Variants in PALS2 observed in about 807,000 individuals in gnomAD.
PALS2 encodes the protein protein associated with LIN7 2, MAGUK p55 family member.
Under a neutral mutation model 61.6 loss-of-function variants are expected in PALS2, and 27 were observed. The observed-to-expected ratio is 0.44, with a 90% CI of 0.32 to 0.60. The LOEUF is 0.60. PALS2 is among the 20% of genes least tolerant of loss of function. The pLI is 0.05. For missense variants in PALS2, 554 were observed against 639.4 expected (o/e 0.87, Z 1.44); for synonymous variants, 236 against 218.6 (o/e 1.08, Z -0.70).
intron 2 of PALS2, among the ~76,000 whole-genome samples, chr7:24,641,171 T>G (rs1421671805): frequency 2.6e-5 from 4 of 152,028 alleles, no homozygotes; most frequent in Non-Finnish European, 5.9e-5. Flanking sequence ...TAAAATCCAG[T>G]TTAAGGGCCA....
At chr7:24,655,004 A>G (rs1174539170) in intron 5 of PALS2, among the ~76,000 whole-genome samples, 1 of 152,224 alleles carries the variant, frequency 6.6e-6, no homozygotes, top group Non-Finnish European at 1.5e-5. Flanking sequence ...CTACACAGAA[A>G]AATCAAGTAA....
chr7:24,590,946 C>T (rs1254156624), intron 1 of PALS2, among the ~76,000 whole-genome samples: 1 of 151,486 alleles, frequency 6.6e-6, no homozygotes, highest in Non-Finnish European at 1.5e-5. Flanking sequence ...ACCTTCTTTG[C>T]CAAACCAGCA....
At chr7:24,633,217 T>A (rs191221933) in intron 2 of PALS2, among the ~76,000 whole-genome samples, 41 of 152,238 alleles carry the variant, frequency 2.7e-4, no homozygotes, top group Non-Finnish European at 4.6e-4. Flanking sequence ...TTCTTTCTGA[T>A]GAATGTCTTT....
At chr7:24,657,971 A>G (rs960284020) in intron 5 of PALS2, among the ~76,000 whole-genome samples, 4 of 151,968 alleles carry the variant, frequency 2.6e-5, no homozygotes, top group African/African-American at 7.3e-5. Context: ...TCTTTCATCA[A>G]ATTTAGAAAA....
chr7:24,635,652 A>C (rs893655208), intron 2 of PALS2, among the ~76,000 whole-genome samples: 1 of 152,176 alleles, frequency 6.6e-6, no homozygotes, highest in African/African-American at 2.4e-5. Flanking sequence ...CTAATCTTTC[A>C]CTAGTAAATA....
chr7:24,650,456 A>C (rs746030084), intron 4 of PALS2, 29 bp from the exon 5 acceptor site: 54 of 1,485,940 alleles, frequency 3.6e-5, no homozygotes, highest in Non-Finnish European at 4.9e-5. Flanking sequence ...CTAATAATTA[A>C]TGAGAAATCT....
intron 3 of PALS2, among the ~76,000 whole-genome samples, chr7:24,649,196 T>G (rs1320787825): frequency 1.3e-5 from 2 of 152,112 alleles, no homozygotes; most frequent in Admixed American, 1.3e-4. Flanking sequence ...ATAGCAATGT[T>G]AGGTAAAAAT....
At chr7:24,602,108 TCTA>T (rs1783740647) in intron 1 of PALS2, among the ~76,000 whole-genome samples, 1 of 152,144 alleles carries the variant, frequency 6.6e-6, no homozygotes, top group South Asian at 2.1e-4. Context: ...CCTGTGCTTT[TCTA>T]CTTTTTGTGG....
chr7:24,663,777 TG>T, intron 6 of PALS2, 56 bp downstream of exon 6: 1 of 1,523,128 alleles, frequency 6.6e-7, no homozygotes. Flanking sequence ...ATCTTAGATC[TG>T]ATCAATATCT....
intron 5 of PALS2, among the ~76,000 whole-genome samples, chr7:24,662,106 CCTA>C (rs1786752002): frequency 6.6e-6 from 1 of 152,020 alleles, no homozygotes; most frequent in Admixed American, 6.6e-5. Flanking sequence ...AAATTATTGA[CCTA>C]CTGATTTAAG....
At chr7:24,627,310 C>G (rs977099433) in intron 2 of PALS2, among the ~76,000 whole-genome samples, 4 of 152,092 alleles carry the variant, frequency 2.6e-5, no homozygotes, top group Non-Finnish European at 5.9e-5. Context: ...TACTTTGAAA[C>G]CAATGAGATC....
intron 3 of PALS2, among the ~76,000 whole-genome samples, chr7:24,649,343 T>G (rs1300362322): frequency 6.6e-6 from 1 of 152,168 alleles, no homozygotes; most frequent in East Asian, 1.9e-4. Context: ...CAGTTTCCAG[T>G]GAACTTGCCA....
intron 2 of PALS2, among the ~76,000 whole-genome samples, chr7:24,626,370 G>A (rs1355740165): frequency 6.6e-6 from 1 of 152,120 alleles, no homozygotes; most frequent in Non-Finnish European, 1.5e-5. Context: ...TATGTAGTTT[G>A]TATTCCAGAA....
chr7:24,648,182 CTTCT>C (rs912232001), intron 3 of PALS2, among the ~76,000 whole-genome samples: 1 of 151,688 alleles, frequency 6.6e-6, no homozygotes, highest in Admixed American at 6.6e-5. Flanking sequence ...TTAATATTTG[CTTCT>C]TTCTATTTTG....
chr7:24,646,010 T>C (rs1785813315), intron 3 of PALS2, among the ~76,000 whole-genome samples: 1 of 152,050 alleles, frequency 6.6e-6, no homozygotes, highest in African/African-American at 2.4e-5. Flanking sequence ...TACAAAGGAC[T>C]TTGTATCCTT....
chr7:24,680,368 G>A (rs1482985329), intron 10 of PALS2, 24 bp from the exon 11 acceptor site: 1 of 1,596,858 alleles, frequency 6.3e-7, no homozygotes, highest in South Asian at 1.1e-5. Flanking sequence ...GTATAAATTG[G>A]CTTATAATTA....
chr7:24,610,205 A>C (rs565340833), intron 1 of PALS2, among the ~76,000 whole-genome samples: 1 of 152,114 alleles, frequency 6.6e-6, no homozygotes. Flanking sequence ...TCATTCCCCC[A>C]TTTAACAGGT....
Position 24,691,405 on chromosome 7 carries a change from G to GTGTATA in PALS2, c.*3792_*3793insGTATAT, listed in dbSNP as rs1274329385. On this transcript the variant is annotated 3_prime_UTR_variant, in exon 12 of 12. Coordinates refer to ENST00000222644, the MANE Select transcript of PALS2 (RefSeq NM_001303037.2). ...ATATTATGTATGTGTGTGTGTGTGT[G>GTGTATA]TATATATATATATATATATATATAT... The GTGTATA allele has an allele frequency of 2.7e-4, 30 of 110,586 alleles. No individual in the cohort carries two copies. Among genetic ancestry groups the GTGTATA allele is most frequent in the Non-Finnish European group, 4.4e-4 (23 of 52,286 alleles). The allele number at this position is 110,586 out of a possible 1,614,324, so 6.9% of individuals were successfully genotyped here. A position where few individuals can be genotyped will look rare whatever the true frequency, so the allele number is the denominator to read the frequency against.
intron 5 of PALS2, chr7:24,663,386 G>A: frequency 2.5e-6 from 1 of 395,888 alleles, no homozygotes. Context: ...TATTAAAGTA[G>A]AGAAGAAGTT....
Sources: gnomAD v4.1 joint callset for allele counts (sites outside exome capture counted in the v4.1 genomes callset) on GRCh38, gnomAD v4.1.1 for gene constraint, MANE v1.5 for transcripts, NCBI Gene and HGNC (gene_info 2026-07-23, HGNC 2026-07-21) for gene names.